The following WDR93 variants were observed in gnomAD, a reference collection of about 807,000 sequenced individuals.
The protein encoded by WDR93 is WD repeat domain 93, also known as WD repeat-containing protein 93.
A neutral mutation model predicts 82.9 loss-of-function variants in WDR93; 73 were observed. The ratio of observed to expected loss-of-function variants is 0.88; its 90% CI spans 0.73 to 1.07. The LOEUF is 1.07. Among genes scored for constraint, WDR93 ranks in the 50% least tolerant of loss-of-function variants. The pLI, the probability that WDR93 is intolerant of heterozygous loss-of-function variation, is 0.00. For missense variants in WDR93, 738 were observed against 826.0 expected, an observed-to-expected ratio of 0.89 and a Z score of 1.31; for synonymous variants, 283 against 300.1, an observed-to-expected ratio of 0.94 and a Z score of 0.59.
At chr15:89,719,870 G>A (rs1234593036) in intron 7 of WDR93, among the ~76,000 whole-genome samples, 4 of 151,008 alleles carry the variant, frequency 2.6e-5, no homozygotes, top group Non-Finnish European at 5.9e-5. Context: ...GCATGATCTT[G>A]GCTCACTGCA....
At position 89,701,973 on chromosome 15, in the gene WDR93, AAGAG is replaced by A; in HGVS notation, c.231_234del (p.Arg78ThrfsTer3). On this transcript the variant is annotated frameshift_variant, in exon 2 of 17. Transcript: ENST00000268130. LOFTEE classifies it high-confidence loss of function. Reference sequence around the variant, plus strand: ...TTTGACCAGTCTTGGGAAATTATTGAAGAGAGAAACGCACTGAGGGAAGCTGAGA... The same window carrying A: ...TTTGACCAGTCTTGGGAAATTATTGAAGAAACGCACTGAGGGAAGCTGAGA... The A allele has an allele frequency of 6.2e-7, 1 of 1,613,848 alleles. No individual in the cohort carries two copies. Among genetic ancestry groups the A allele is most frequent in the South Asian group, 1.1e-5 (1 of 91,068 alleles).
chr15:89,728,856 G>A (rs187136210), intron 9 of WDR93, among the ~76,000 whole-genome samples, 167 bp from the exon 10 acceptor site: 7 of 152,194 alleles, frequency 4.6e-5, no homozygotes, highest in African/African-American at 1.4e-4. Context: ...CAAGGTCAGC[G>A]CATCCCACCA....
chr15:89,690,416 A>G (rs1964806324), upstream of WDR93, among the ~76,000 whole-genome samples: 1 of 152,096 alleles, frequency 6.6e-6, no homozygotes, highest in African/African-American at 2.4e-5. Context: ...AATTTAGGGT[A>G]AGGAGGGGCT....
chr15:89,731,608 G>T, intron 12 of WDR93, 46 bp downstream of exon 12: 1 of 1,611,468 alleles, frequency 6.2e-7, no homozygotes, highest in South Asian at 1.1e-5. Context: ...TGGGACTCTG[G>T]GCAATGAGTC....
At chr15:89,697,466 T>C (rs1965238633) in intron 1 of WDR93, among the ~76,000 whole-genome samples, 2 of 152,198 alleles carry the variant, frequency 1.3e-5, no homozygotes, top group South Asian at 4.1e-4. Context: ...CTGTTATTGA[T>C]TTCTAAAATA....
At chr15:89,698,096 G>A (rs1490315951) in intron 1 of WDR93, among the ~76,000 whole-genome samples, 1 of 151,806 alleles carries the variant, frequency 6.6e-6, no homozygotes, top group Non-Finnish European at 1.5e-5. Context: ...GTGTTAGCCA[G>A]GATGGTCTCG....
At chr15:89,693,961 T>A (rs1310757481) in intron 1 of WDR93, among the ~76,000 whole-genome samples, 1 of 152,226 alleles carries the variant, frequency 6.6e-6, no homozygotes, top group African/African-American at 2.4e-5. Context: ...ATTAGCGTTT[T>A]AAGAAATTGC....
At chr15:89,705,459 C>T in intron 3 of WDR93, 95 bp from the exon 4 acceptor site, 3 of 785,938 alleles carry the variant, frequency 3.8e-6, no homozygotes, top group Non-Finnish European at 6.7e-6. Flanking sequence ...TGAGCGAGCT[C>T]ATGATGGTAA....
upstream of WDR93, chr15:89,690,461 G>T: frequency 8.2e-6 from 6 of 728,248 alleles, no homozygotes; most frequent in Middle Eastern, 5.0e-4. Context: ...AGCTGGCAAC[G>T]TCCTTCCTGC....
At chr15:89,729,639 CT>C (rs776808447) in intron 10 of WDR93, 43 bp from the exon 11 acceptor site, 3 of 1,500,662 alleles carry the variant, frequency 2.0e-6, no homozygotes, top group East Asian at 4.5e-5. Flanking sequence ...AGATTTCCCC[CT>C]GTGTAACACC....
At chr15:89,727,089 G>A (rs1966766577) in intron 8 of WDR93, 68 bp from the exon 9 acceptor site, 2 of 1,533,526 alleles carry the variant, frequency 1.3e-6, no homozygotes, top group African/African-American at 2.8e-5. Flanking sequence ...AAGAGTGGAA[G>A]AAGTAGGGGA....
At chr15:89,719,235 G>A (rs927813119) in intron 7 of WDR93, among the ~76,000 whole-genome samples, 1 of 152,080 alleles carries the variant, frequency 6.6e-6, no homozygotes, top group African/African-American at 2.4e-5. Flanking sequence ...CTACAGTTGT[G>A]TGCTGCTATG....
rs1179465248 is a variant in WDR93, at chr15:89,701,697, C to G, written c.-40-10C>G. 1.3e-6 allele frequency: 2 copies of G among 1,565,870 alleles called. No individual in the cohort carries two copies. Among genetic ancestry groups the G allele is most frequent in the Non-Finnish European group, 1.7e-6 (2 of 1,156,058 alleles). ...TCTTCCAGAATTCCTTTGTTTACTT[C>G]TCTTATCAGCTTTTCAGTTTCATAG... is the stretch of plus-strand genomic sequence containing the variant. On this transcript the variant is annotated splice_polypyrimidine_tract_variant and intron_variant, in intron 1 of 16. Coordinates refer to ENST00000268130, the MANE Select transcript of WDR93 (RefSeq NM_020212.2).
At chr15:89,741,758 A>C (rs1008642017) in intron 16 of WDR93, among the ~76,000 whole-genome samples, 5 of 150,610 alleles carry the variant, frequency 3.3e-5, no homozygotes, top group African/African-American at 1.2e-4. Context: ...TATCTCCAAT[A>C]CTTTTTTTTT....
intron 12 of WDR93, 134 bp from the exon 13 acceptor site, chr15:89,732,872 C>T (rs1966881884): frequency 1.3e-6 from 1 of 775,230 alleles, no homozygotes; most frequent in South Asian, 1.6e-5. Context: ...GATTTTCTCT[C>T]ACAGGGTGCT....
intron 1 of WDR93, among the ~76,000 whole-genome samples, chr15:89,700,894 C>T (rs1005706424): frequency 6.6e-6 from 1 of 151,946 alleles, no homozygotes; most frequent in African/African-American, 2.4e-5. Flanking sequence ...ATTACTTGTT[C>T]TCTTCTTGTA....
chr15:89,703,575 T>C (rs1291267918), intron 3 of WDR93: 1 of 185,904 alleles, frequency 5.4e-6, no homozygotes, highest in African/African-American at 2.4e-5. Flanking sequence ...GAGTATGGTA[T>C]CGAAAACTGT....
chr15:89,741,496 G>T (rs1967671057), intron 16 of WDR93, among the ~76,000 whole-genome samples: 1 of 152,156 alleles, frequency 6.6e-6, no homozygotes, highest in Non-Finnish European at 1.5e-5. Context: ...ACAAATTTCT[G>T]GGACTATCAG....
rs745779298 is a variant in WDR93 at position 89,738,181 on chromosome 15, G to A, written c.1906G>A (p.Ala636Thr). 5.6e-6 allele frequency: 9 copies of A among 1,614,092 alleles called. No homozygotes were observed. The Admixed American group carries it at 6.7e-5, about 12-fold the overall frequency. Residue 636 changes from alanine (A) to threonine (T), a missense_variant, in exon 16 of 17, where the codon GCC (alanine) becomes ACC (threonine). By Grantham distance (58) the Ala-to-Thr change is moderately conservative (BLOSUM62 0). Coordinates refer to ENST00000268130, the MANE Select transcript of WDR93 (RefSeq NM_020212.2). ...TIPQRDLDNM[A>T]FPQALPLEKR... is the part of the protein sequence containing the mutation. ...TCCTCAAAGGGACTTGGATAACATGGCCTTCCCCCAAGCACTGCCACTGGA... is the reference window on the plus strand; with the variant it reads ...TCCTCAAAGGGACTTGGATAACATGACCTTCCCCCAAGCACTGCCACTGGA...
Sources: gnomAD v4.1 joint callset for allele counts (sites outside exome capture counted in the v4.1 genomes callset) on GRCh38, gnomAD v4.1.1 for gene constraint, MANE v1.5 for transcripts, NCBI Gene and HGNC (gene_info 2026-07-23, HGNC 2026-07-21) for gene names.